The following DIAPH2 variants were observed in gnomAD, a reference collection of about 807,000 sequenced individuals.
DIAPH2 encodes the protein diaphanous related formin 2.
DIAPH2 carries 35 observed loss-of-function variants against 92.7 expected under a neutral mutation model. The ratio of observed to expected loss-of-function variants is 0.38; its 90% CI spans 0.29 to 0.50. The LOEUF is 0.50. Among genes scored for constraint, DIAPH2 ranks in the 20% least tolerant of loss-of-function variants. DIAPH2 has a pLI of 0.94. For synonymous variants in DIAPH2, 301 were observed against 280.4 expected (o/e 1.07, Z -0.73); for missense variants, 701 against 819.5 (o/e 0.86, Z 1.77).
At chrX:97,570,113 T>TTAGAAG (rs1236586989) in intron 26 of DIAPH2, among the ~76,000 whole-genome samples, 4 of 31,742 alleles carry the variant, frequency 1.3e-4, no homozygotes, top group African/African-American at 3.0e-4. Context: ...TATATATATA[T>TTAGAAG]ATATATATAT....
At chrX:97,303,568 T>C (rs780402758) in intron 23 of DIAPH2, among the ~76,000 whole-genome samples, 2 of 111,566 alleles carry the variant, frequency 1.8e-5, no homozygotes, top group African/African-American at 3.2e-5. Flanking sequence ...TTATTGAGTT[T>C]AGTGCTCCCA....
chrX:96,999,363 G>A (rs141351055), intron 17 of DIAPH2, among the ~76,000 whole-genome samples: 33 of 108,854 alleles, frequency 3.0e-4, no homozygotes, highest in African/African-American at 4.0e-4. Flanking sequence ...TTAGCCTGGC[G>A]TGGTGGCGGG....
Position 96,962,312 on chromosome X carries a change from C to CACATAT in DIAPH2, c.1936-2780_1936-2779insCATATA, listed in dbSNP as rs771291576. ...ATATATATATATACATATATATATA[C>CACATAT]ATATATATATACACATATATATATA... is the stretch of plus-strand genomic sequence containing the variant. On this transcript the variant is annotated intron_variant, in intron 16 of 26. Transcript: ENST00000324765. Among the ~76,000 whole-genome samples, 255 of 59,478 alleles carry CACATAT rather than the reference C, an allele frequency of 4.3e-3. 28 individuals carry two copies. The highest frequency in any genetic ancestry group is 0.016 in the Middle Eastern group (2 of 129). The allele number at this position is 59,478 out of a possible 115,157, so 51.6% of individuals were successfully genotyped here.
At chrX:96,763,678 A>C (rs2064283255) in intron 4 of DIAPH2, among the ~76,000 whole-genome samples, 1 of 111,789 alleles carries the variant, frequency 8.9e-6, no homozygotes, top group African/African-American at 3.2e-5. Flanking sequence ...AGCTGAAATT[A>C]TCTTTTAAGG....
intron 17 of DIAPH2, among the ~76,000 whole-genome samples, chrX:97,004,104 A>G (rs1270429523): frequency 9.0e-6 from 1 of 111,575 alleles, no homozygotes; most frequent in Admixed American, 9.5e-5. Context: ...CTGTAGATGC[A>G]TGGATTTCTT....
chrX:96,931,269 G>A (rs932420986), intron 10 of DIAPH2, among the ~76,000 whole-genome samples: 4 of 111,397 alleles, frequency 3.6e-5, no homozygotes, highest in African/African-American at 9.8e-5. Flanking sequence ...GCTTAAGAAT[G>A]TTACTCTTGT....
intron 22 of DIAPH2, among the ~76,000 whole-genome samples, chrX:97,168,679 T>C (rs2067430113): frequency 8.9e-6 from 1 of 111,818 alleles, no homozygotes. Context: ...AGACTACTGT[T>C]ACAGAATACT....
chrX:97,492,267 C>G (rs1186046393), intron 26 of DIAPH2, among the ~76,000 whole-genome samples: 2 of 110,634 alleles, frequency 1.8e-5, no homozygotes, highest in Non-Finnish European at 3.8e-5. Flanking sequence ...AACCCTGTCT[C>G]TATTAAAAAT....
chrX:97,203,715 G>C (rs1405976947), intron 22 of DIAPH2, among the ~76,000 whole-genome samples: 1 of 111,745 alleles, frequency 8.9e-6, no homozygotes, highest in Non-Finnish European at 1.9e-5. Context: ...AAACCAGATG[G>C]ATTCACAGCT....
chrX:96,929,722 A>C (rs2065607310), intron 9 of DIAPH2, among the ~76,000 whole-genome samples: 1 of 111,106 alleles, frequency 9.0e-6, no homozygotes, highest in African/African-American at 3.3e-5. Flanking sequence ...TGCTTCTATA[A>C]ATACTTAGTA....
chrX:97,155,060 C>T (rs993953902), intron 22 of DIAPH2, among the ~76,000 whole-genome samples: 1 of 111,971 alleles, frequency 8.9e-6, no homozygotes, highest in African/African-American at 3.2e-5. Flanking sequence ...TTTCAGCTAT[C>T]AATTTGGTAA....
intron 4 of DIAPH2, among the ~76,000 whole-genome samples, chrX:96,879,952 C>A (rs948825087): frequency 4.5e-5 from 5 of 111,376 alleles, no homozygotes; most frequent in African/African-American, 1.6e-4. Flanking sequence ...TGATTTCGAA[C>A]CCCTGACCTC....
At position 96,814,019 on chromosome X, in the gene DIAPH2, A is replaced by G. The variant is rs754842186; in HGVS notation, c.447+55761A>G. Among the ~76,000 whole-genome samples the G allele has an allele frequency of 3.6e-5, 4 of 110,569 alleles. No individual in the cohort carries two copies. The East Asian group carries it at 1.1e-3, about 32-fold the overall frequency. On this transcript the variant is annotated intron_variant, in intron 4 of 26. Coordinates refer to ENST00000324765, the MANE Select transcript of DIAPH2 (RefSeq NM_006729.5). ...TATGTGTCTTGGGGTTGCTCTTCTC[A>G]AGGAGTATCTTTGTGGTGTTCTCTG...
chrX:97,262,564 A>G (rs1449925239), intron 23 of DIAPH2, among the ~76,000 whole-genome samples: 1 of 112,015 alleles, frequency 8.9e-6, no homozygotes, highest in African/African-American at 3.2e-5. Context: ...GAAAAGAGAT[A>G]ATGACACAGG....
At chrX:97,171,407 C>T (rs1390245067) in intron 22 of DIAPH2, among the ~76,000 whole-genome samples, 1 of 111,465 alleles carries the variant, frequency 9.0e-6, no homozygotes, top group Non-Finnish European at 1.9e-5. Flanking sequence ...TGGGATATGT[C>T]CAGAAGAGAA....
At chrX:97,295,066 C>T (rs761211629) in intron 23 of DIAPH2, among the ~76,000 whole-genome samples, 1 of 111,101 alleles carries the variant, frequency 9.0e-6, no homozygotes, top group African/African-American at 3.3e-5. Flanking sequence ...AGATATAGAT[C>T]CTTAACCCCC....
chrX:97,320,446 G>A (rs1446413903), intron 23 of DIAPH2, among the ~76,000 whole-genome samples: 1 of 111,024 alleles, frequency 9.0e-6, no homozygotes, highest in Non-Finnish European at 1.9e-5. Flanking sequence ...AGGCGCGGTA[G>A]CTCTTGGCTG....
At chrX:97,147,713 A>G (rs1206201764) in intron 22 of DIAPH2, among the ~76,000 whole-genome samples, 1 of 111,988 alleles carries the variant, frequency 8.9e-6, no homozygotes, top group Non-Finnish European at 1.9e-5. Context: ...GTGCCATCCT[A>G]CAAGATAAAA....
At position 96,708,986 on chromosome X, in the gene DIAPH2, T is replaced by A. The variant is rs758187808; in HGVS notation, c.132+23796T>A. 1.8e-3 allele frequency among the ~76,000 whole-genome samples: 200 copies of A among 112,161 alleles called. 1 individual carries two copies. Among genetic ancestry groups the A allele is most frequent in the African/African-American group, 6.1e-3 (188 of 30,880 alleles). Reference sequence around the variant, plus strand: ...GTGGCTGTATGGGATGGGACTTCCGTAAGTCTAGGACTGCCCATATGGCCT... The same window carrying A: ...GTGGCTGTATGGGATGGGACTTCCGAAAGTCTAGGACTGCCCATATGGCCT... On this transcript the variant is annotated intron_variant, in intron 1 of 26. Transcript: ENST00000324765.
Sources: gnomAD v4.1 joint callset for allele counts (sites outside exome capture counted in the v4.1 genomes callset) on GRCh38, gnomAD v4.1.1 for gene constraint, MANE v1.5 for transcripts, NCBI Gene and HGNC (gene_info 2026-07-23, HGNC 2026-07-21) for gene names.